LYPLAL1: variants seen among roughly 807,000 people sequenced by gnomAD.
LYPLAL1 encodes lysophospholipase like 1.
LYPLAL1 carries 23 observed loss-of-function variants against 19.7 expected under a neutral mutation model. The observed-to-expected ratio is 1.17, with a 90% CI of 0.84 to 1.65. The LOEUF (loss-of-function observed/expected upper bound fraction) is 1.65. Among genes scored for constraint, LYPLAL1 ranks in the 40% most tolerant of loss-of-function variants. The pLI is 0.00. For missense variants in LYPLAL1, 355 were observed against 279.4 expected (o/e 1.27, Z -1.93); for synonymous variants, 119 against 96.3 (o/e 1.24, Z -1.38).
chr1:219,404,451 T>C, the LYPLAL1 span, among the ~76,000 whole-genome samples: 5,629 of 152,290 alleles, frequency 0.037, 334 homozygotes, highest in African/African-American at 0.13. Flanking sequence ...TTAAATATTT[T>C]GGTGCTAGAA....
chr1:219,424,355 C>T, the LYPLAL1 span, among the ~76,000 whole-genome samples: 1 of 152,110 alleles, frequency 6.6e-6, no homozygotes, highest in East Asian at 1.9e-4. Context: ...TTAAAGTAAT[C>T]TAAATTTGGT....
the LYPLAL1 span, among the ~76,000 whole-genome samples, chr1:219,374,935 G>A: frequency 6.6e-6 from 1 of 152,150 alleles, no homozygotes; most frequent in African/African-American, 2.4e-5. Flanking sequence ...TTGGGGGGAT[G>A]GATTTGAGGT....
At chr1:219,286,098 T>A in the LYPLAL1 span, among the ~76,000 whole-genome samples, 2 of 152,124 alleles carry the variant, frequency 1.3e-5, no homozygotes, top group African/African-American at 4.8e-5. Context: ...TCTTGGGGAC[T>A]AAATGGCCAC....
the LYPLAL1 span, among the ~76,000 whole-genome samples, chr1:219,253,765 G>A: frequency 6.6e-6 from 1 of 152,008 alleles, no homozygotes; most frequent in Non-Finnish European, 1.5e-5. Context: ...GTTTTTGGGT[G>A]GAGAGTTCTA....
At chr1:219,409,067 A>C in the LYPLAL1 span, among the ~76,000 whole-genome samples, 1 of 152,226 alleles carries the variant, frequency 6.6e-6, no homozygotes, top group African/African-American at 2.4e-5. Flanking sequence ...TAATACTTCA[A>C]ATAAAAGAGG....
chr1:219,387,736 A>T, the LYPLAL1 span, among the ~76,000 whole-genome samples: 30,999 of 152,158 alleles, frequency 0.2, 3,377 homozygotes, highest in East Asian at 0.28. Flanking sequence ...ATGGTGGGGA[A>T]TATGTCTGTT....
At chr1:219,178,587 C>A (rs1288787513) in intron 1 of LYPLAL1, among the ~76,000 whole-genome samples, 1 of 151,926 alleles carries the variant, frequency 6.6e-6, no homozygotes, top group Non-Finnish European at 1.5e-5. Flanking sequence ...TTATTACTTA[C>A]CAGCTTTGGA....
At chr1:219,340,437 T>G in the LYPLAL1 span, among the ~76,000 whole-genome samples, 2 of 152,040 alleles carry the variant, frequency 1.3e-5, no homozygotes, top group Admixed American at 1.3e-4. Context: ...ATGGAAGTGG[T>G]GAACACAACC....
intron 2 of LYPLAL1, among the ~76,000 whole-genome samples, chr1:219,191,406 A>AT (rs1241602103): frequency 1.3e-5 from 2 of 151,604 alleles, no homozygotes; most frequent in South Asian, 4.1e-4. Context: ...TTATCATAGG[A>AT]TATAATATAG....
chr1:219,337,077 A>C, the LYPLAL1 span, among the ~76,000 whole-genome samples: 3 of 151,904 alleles, frequency 2.0e-5, no homozygotes, highest in Non-Finnish European at 4.4e-5. Flanking sequence ...CTCTGCTTTT[A>C]TCTTCTCATT....
At chr1:219,214,410 C>G (rs928366007), downstream of LYPLAL1, among the ~76,000 whole-genome samples, 51 of 152,024 alleles carry the variant, frequency 3.4e-4, no homozygotes, top group African/African-American at 1.1e-3. Flanking sequence ...GTATTTTCTC[C>G]TCTTCTGTTT....
the LYPLAL1 span, among the ~76,000 whole-genome samples, chr1:219,243,037 G>A: frequency 6.6e-6 from 1 of 152,144 alleles, no homozygotes; most frequent in Non-Finnish European, 1.5e-5. Flanking sequence ...AAGAATGGCT[G>A]GAAGGGAGTG....
the LYPLAL1 span, among the ~76,000 whole-genome samples, chr1:219,239,922 C>T: frequency 6.6e-6 from 1 of 152,142 alleles, no homozygotes; most frequent in East Asian, 1.9e-4. Flanking sequence ...GCCGAAGATT[C>T]AGTGAGATGC....
chr1:219,298,454 C>A, the LYPLAL1 span, among the ~76,000 whole-genome samples: 419 of 152,322 alleles, frequency 2.8e-3, 1 homozygote, highest in Middle Eastern at 0.014. Flanking sequence ...TGAGCATAGC[C>A]AATCCCTCTA....
At chr1:219,218,042 C>A in the LYPLAL1 span, among the ~76,000 whole-genome samples, 1 of 151,696 alleles carries the variant, frequency 6.6e-6, no homozygotes, top group East Asian at 1.9e-4. Flanking sequence ...ACTTTATAAT[C>A]CTTAAAGAGA....
At chr1:219,260,212 C>A in the LYPLAL1 span, among the ~76,000 whole-genome samples, 1 of 151,540 alleles carries the variant, frequency 6.6e-6, no homozygotes, top group East Asian at 1.9e-4. Flanking sequence ...TTTGAATATT[C>A]CCATTAAAAT....
the LYPLAL1 span, among the ~76,000 whole-genome samples, chr1:219,302,246 A>G: frequency 6.6e-6 from 1 of 152,240 alleles, no homozygotes; most frequent in South Asian, 2.1e-4. Context: ...TCTTGCTTCT[A>G]TCTCTCTCCA....
the LYPLAL1 span, among the ~76,000 whole-genome samples, chr1:219,348,703 G>A: frequency 6.6e-6 from 1 of 152,154 alleles, no homozygotes; most frequent in Admixed American, 6.5e-5. Flanking sequence ...AGAAGAGCCA[G>A]AGAGTGTGCA....
the LYPLAL1 span, among the ~76,000 whole-genome samples, chr1:219,382,246 A>G: frequency 6.6e-6 from 1 of 152,246 alleles, no homozygotes; most frequent in Non-Finnish European, 1.5e-5. Flanking sequence ...CAGAGTCAGG[A>G]AAGAACTGGA....
Sources: gnomAD v4.1 joint callset for allele counts (sites outside exome capture counted in the v4.1 genomes callset) on GRCh38, gnomAD v4.1.1 for gene constraint, MANE v1.5 for transcripts, NCBI Gene and HGNC (gene_info 2026-07-23, HGNC 2026-07-21) for gene names.